The following SLC41A2 variants were observed in gnomAD, a reference collection of about 807,000 sequenced individuals.
The protein encoded by SLC41A2 is solute carrier family 41 member 2.
Under a neutral mutation model 58.3 loss-of-function variants are expected in SLC41A2, and 32 were observed. The observed-to-expected ratio is 0.55, with a 90% CI of 0.41 to 0.74. The LOEUF is 0.74. Ranked by LOEUF, SLC41A2 falls within the 30% of genes least tolerant of loss-of-function variation. The pLI, the probability that SLC41A2 is intolerant of heterozygous loss-of-function variation, is 0.00. For missense variants in SLC41A2, 514 were observed against 680.6 expected (o/e 0.76, Z 2.72); for synonymous variants, 190 against 235.0 (o/e 0.81, Z 1.75).
intron 1 of SLC41A2, among the ~76,000 whole-genome samples, chr12:104,948,279 T>G (rs1219547136): frequency 6.6e-6 from 1 of 152,154 alleles, no homozygotes; most frequent in Non-Finnish European, 1.5e-5. Flanking sequence ...CTAATTTGCT[T>G]CCTACATCAT....
At chr12:104,883,023 T>C (rs1325661923) in intron 6 of SLC41A2, among the ~76,000 whole-genome samples, 1 of 152,252 alleles carries the variant, frequency 6.6e-6, no homozygotes. Flanking sequence ...CATTTCTTTT[T>C]ACTCTTTTTT....
intron 8 of SLC41A2, 131 bp from the exon 9 acceptor site, chr12:104,846,105 TG>T (rs1488465578): frequency 1.2e-5 from 10 of 867,272 alleles, no homozygotes; most frequent in Non-Finnish European, 1.6e-5. Context: ...TCTGAAATGT[TG>T]ATCTATTTAA....
At chr12:104,807,677 T>C (rs1188732757) in intron 10 of SLC41A2, among the ~76,000 whole-genome samples, 9 of 152,236 alleles carry the variant, frequency 5.9e-5, no homozygotes, top group Admixed American at 1.3e-4. Flanking sequence ...TTTCATGATA[T>C]TGATTCTTCC....
At chr12:104,924,686 G>T (rs1314195851) in intron 2 of SLC41A2, among the ~76,000 whole-genome samples, 1 of 152,044 alleles carries the variant, frequency 6.6e-6, no homozygotes, top group Non-Finnish European at 1.5e-5. Context: ...GGAGGTTGCA[G>T]TGAGGTGAGA....
At chr12:104,850,003 G>T (rs528582402) in intron 8 of SLC41A2, among the ~76,000 whole-genome samples, 28 of 152,220 alleles carry the variant, frequency 1.8e-4, no homozygotes, top group African/African-American at 6.5e-4. Context: ...AATTTATGAA[G>T]GACTCCATTT....
chr12:104,925,340 C>A (rs372302409), intron 2 of SLC41A2, among the ~76,000 whole-genome samples: 1 of 152,026 alleles, frequency 6.6e-6, no homozygotes, highest in Non-Finnish European at 1.5e-5. Flanking sequence ...AGGCGGATCA[C>A]GAGGTCAGGA....
chr12:104,926,595 AT>A (rs1009693133), intron 2 of SLC41A2, among the ~76,000 whole-genome samples: 5 of 150,834 alleles, frequency 3.3e-5, no homozygotes, highest in African/African-American at 7.4e-5. Flanking sequence ...CTTAAAAAAA[AT>A]AAAAAAAAAA....
intron 10 of SLC41A2, among the ~76,000 whole-genome samples, chr12:104,842,901 A>T (rs2042466104): frequency 1.3e-5 from 2 of 152,102 alleles, no homozygotes; most frequent in Admixed American, 1.3e-4. Context: ...TGCAAATAGG[A>T]ATATGCTCCA....
Position 104,853,911 on chromosome 12 carries a change from A to ATTATTATTTTTTTTTTT in SLC41A2, c.1255+7379_1255+7380insAAAAAAAAAAATAATAA. On this transcript the variant is annotated intron_variant, in intron 8 of 10. Transcript: ENST00000258538. ...GGGTGCATGTCACCATGCCTGGCTG[A>ATTATTATTTTTTTTTTT]TTTTTTTTTTTTTTTTTTTTTTTTT... 1.9e-3 allele frequency among the ~76,000 whole-genome samples: 115 copies of ATTATTATTTTTTTTTTT among 59,482 alleles called. 5 individuals are homozygous for ATTATTATTTTTTTTTTT. The highest frequency in any genetic ancestry group is 8.3e-3 in the East Asian group (19 of 2,288). 39.0% of individuals were successfully genotyped at this position (59,482 alleles called of 152,430 possible).
intron 10 of SLC41A2, among the ~76,000 whole-genome samples, chr12:104,838,847 C>T (rs113093661): frequency 4.6e-5 from 7 of 152,068 alleles, no homozygotes; most frequent in African/African-American, 1.7e-4. Flanking sequence ...GGGACAATAC[C>T]TTTTATTTCT....
At chr12:104,810,706 T>C (rs2041136597) in intron 10 of SLC41A2, among the ~76,000 whole-genome samples, 1 of 152,202 alleles carries the variant, frequency 6.6e-6, no homozygotes, top group South Asian at 2.1e-4. Flanking sequence ...ATTCCTAATG[T>C]TCATTTGGAG....
At chr12:104,878,131 T>C (rs771189419) in intron 6 of SLC41A2, among the ~76,000 whole-genome samples, 2 of 151,908 alleles carry the variant, frequency 1.3e-5, no homozygotes, top group Non-Finnish European at 2.9e-5. Flanking sequence ...ATTATAACAA[T>C]TGCCATGTTT....
chr12:104,856,559 A>G (rs6539170), intron 8 of SLC41A2, among the ~76,000 whole-genome samples: 113,385 of 151,930 alleles, frequency 0.75, 42,919 homozygotes, highest in African/African-American at 0.88. Context: ...TGGGATAAAA[A>G]ACTTGTGCAC....
At chr12:104,871,955 GA>G (rs1305331403) in intron 6 of SLC41A2, among the ~76,000 whole-genome samples, 1 of 152,136 alleles carries the variant, frequency 6.6e-6, no homozygotes, top group Non-Finnish European at 1.5e-5. Context: ...AGTGTTATAG[GA>G]ATTCAGAGGA....
At chr12:104,824,942 C>G (rs937505389) in intron 10 of SLC41A2, among the ~76,000 whole-genome samples, 1 of 152,232 alleles carries the variant, frequency 6.6e-6, no homozygotes, top group Admixed American at 6.5e-5. Context: ...CACCACCTTT[C>G]TCTCTTTCCT....
intron 3 of SLC41A2, among the ~76,000 whole-genome samples, chr12:104,902,001 T>C (rs1029977295): frequency 1.1e-4 from 17 of 152,154 alleles, no homozygotes; most frequent in African/African-American, 3.9e-4. Context: ...AAAGGACCCT[T>C]GAGTGGAGCA....
chr12:104,865,098 G>A (rs12230637), intron 7 of SLC41A2, among the ~76,000 whole-genome samples: 8,845 of 152,236 alleles, frequency 0.058, 515 homozygotes, highest in East Asian at 0.23. Flanking sequence ...TTCATTAAAG[G>A]ACTCACAAGG....
chr12:104,832,600 T>A (rs2042077590), intron 10 of SLC41A2, among the ~76,000 whole-genome samples: 1 of 152,176 alleles, frequency 6.6e-6, no homozygotes, highest in Admixed American at 6.5e-5. Context: ...TTTCCTTAAC[T>A]CAAATAGTTA....
chr12:104,833,908 A>AT (rs950655673), intron 10 of SLC41A2: 61 of 549,766 alleles, frequency 1.1e-4, no homozygotes, highest in East Asian at 5.9e-4. Flanking sequence ...CAGTTATAAG[A>AT]TTTTTTTTGT....
Sources: gnomAD v4.1 joint callset for allele counts (sites outside exome capture counted in the v4.1 genomes callset) on GRCh38, gnomAD v4.1.1 for gene constraint, MANE v1.5 for transcripts, NCBI Gene and HGNC (gene_info 2026-07-23, HGNC 2026-07-21) for gene names.